COL8A1: variants seen among roughly 807,000 people sequenced by gnomAD.
COL8A1 encodes the protein collagen type VIII alpha 1 chain.
COL8A1 carries 21 observed loss-of-function variants against 42.7 expected under a neutral mutation model. The ratio of observed to expected loss-of-function variants is 0.49; its 90% confidence interval spans 0.35 to 0.71. The LOEUF is 0.71. Ranked by LOEUF, COL8A1 falls within the 30% of genes least tolerant of loss-of-function variation. COL8A1 has a pLI of 0.01. For synonymous variants in COL8A1, 367 were observed against 369.1 expected (o/e 0.99, Z 0.06); for missense variants, 788 against 962.4 (o/e 0.82, Z 2.40).
chr3:99,669,496 A>T (rs1303529718), intron 1 of COL8A1, among the ~76,000 whole-genome samples: 1 of 152,048 alleles, frequency 6.6e-6, no homozygotes, highest in Non-Finnish European at 1.5e-5. Context: ...GATAATTGAG[A>T]AGAATTATGT....
chr3:99,799,015 T>C lies in COL8A1; in HGVS notation c.*2879T>C, dbSNP rs778866773. On this transcript the variant is annotated 3_prime_UTR_variant, in exon 4 of 4. Transcript: ENST00000652472. ...TTGTTATGTAAATACAGAGTTTTAA[T>C]GCAGTATGACATCCCACAGGGGAAA... 3.0e-4 allele frequency: 45 copies of C among 152,354 alleles called. No individual in the cohort carries two copies. The highest frequency in any genetic ancestry group is 6.0e-4 in the Non-Finnish European group (41 of 68,036). 9.4% of individuals were successfully genotyped at this position (152,354 alleles called of 1,614,324 possible).
At chr3:99,685,856 T>C (rs1939033848) in intron 1 of COL8A1, among the ~76,000 whole-genome samples, 1 of 152,230 alleles carries the variant, frequency 6.6e-6, no homozygotes, top group Admixed American at 6.5e-5. Context: ...CAGACTACTT[T>C]ACCCATGTGA....
Position 99,795,881 on chromosome 3 carries a change from C to CT in COL8A1, c.1981dup (p.Tyr661LeufsTer103). 1 of 1,614,196 alleles carries CT rather than the reference C, an allele frequency of 6.2e-7. No individual in the cohort carries two copies. The highest frequency in any genetic ancestry group is 8.5e-7 in the Non-Finnish European group (1 of 1,180,022). On this transcript the variant is annotated frameshift_variant, in exon 4 of 4. Coordinates refer to ENST00000652472, the MANE Select transcript of COL8A1 (RefSeq NM_020351.4). LOFTEE classifies it high-confidence loss of function. ...TCTTCACCTGTGAGGTCCCTGGTGTCTACTACTTTGCATACCACGTTCACT... is the reference window on the plus strand; with the variant it reads ...TCTTCACCTGTGAGGTCCCTGGTGTCTTACTACTTTGCATACCACGTTCACT...
chr3:99,665,221 C>T (rs1938327645), intron 1 of COL8A1, among the ~76,000 whole-genome samples: 1 of 152,264 alleles, frequency 6.6e-6, no homozygotes, highest in South Asian at 2.1e-4. Context: ...TGCCTCTCTA[C>T]TCCCAGCCTC....
chr3:99,712,240 G>A (rs1939857283), intron 1 of COL8A1, among the ~76,000 whole-genome samples: 1 of 152,016 alleles, frequency 6.6e-6, no homozygotes, highest in African/African-American at 2.4e-5. Context: ...CTTTCTTTGA[G>A]GAAAAAGATT....
chr3:99,778,319 C>T (rs1941732428), intron 2 of COL8A1, among the ~76,000 whole-genome samples: 1 of 152,108 alleles, frequency 6.6e-6, no homozygotes, highest in African/African-American at 2.4e-5. Flanking sequence ...GTCACTTAGT[C>T]CAACAATCTT....
At chr3:99,674,633 C>T (rs1938639556) in intron 1 of COL8A1, among the ~76,000 whole-genome samples, 2 of 151,928 alleles carry the variant, frequency 1.3e-5, no homozygotes, top group South Asian at 4.1e-4. Context: ...GGAAAAAATG[C>T]TAGAAATTGT....
intron 1 of COL8A1, among the ~76,000 whole-genome samples, chr3:99,652,902 T>C (rs1559768456): frequency 6.6e-6 from 1 of 152,174 alleles, no homozygotes; most frequent in Non-Finnish European, 1.5e-5. Context: ...CCTTAAATTA[T>C]CTATGGGAAG....
intron 1 of COL8A1, among the ~76,000 whole-genome samples, chr3:99,712,006 G>T (rs1037335650): frequency 3.3e-5 from 5 of 152,092 alleles, no homozygotes; most frequent in Non-Finnish European, 5.9e-5. Flanking sequence ...GCCTTTCAGG[G>T]TTTTGTTGAC....
intron 1 of COL8A1, among the ~76,000 whole-genome samples, chr3:99,696,617 T>C (rs572165739): frequency 1.3e-5 from 2 of 152,186 alleles, no homozygotes; most frequent in South Asian, 2.1e-4. Context: ...TGTTTGCATA[T>C]GGCCAGCCAC....
intron 2 of COL8A1, among the ~76,000 whole-genome samples, chr3:99,768,985 A>T (rs1941524548): frequency 6.6e-6 from 1 of 152,220 alleles, no homozygotes. Context: ...GTTAACTCAA[A>T]TGAATCATAC....
intron 1 of COL8A1, among the ~76,000 whole-genome samples, chr3:99,665,673 CTTTTTT>C (rs67004417): frequency 7.1e-5 from 5 of 70,222 alleles, no homozygotes; most frequent in African/African-American, 2.3e-4. Flanking sequence ...TGAATTAATT[CTTTTTT>C]TTTTTTTTTT....
At chr3:99,675,388 T>G (rs533106469) in intron 1 of COL8A1, among the ~76,000 whole-genome samples, 1 of 152,220 alleles carries the variant, frequency 6.6e-6, no homozygotes, top group East Asian at 1.9e-4. Context: ...ATAAAGCACT[T>G]TATACAATAT....
chr3:99,677,070 G>C (rs1027283055), intron 1 of COL8A1, among the ~76,000 whole-genome samples: 1 of 151,276 alleles, frequency 6.6e-6, no homozygotes, highest in Non-Finnish European at 1.5e-5. Context: ...GAAAAAGAGA[G>C]AGAGAGAGAG....
chr3:99,751,270 TC>T (rs1270835661), intron 2 of COL8A1, among the ~76,000 whole-genome samples: 1 of 152,052 alleles, frequency 6.6e-6, no homozygotes, highest in African/African-American at 2.4e-5. Context: ...AAATTTATTT[TC>T]TCAGGGTTAA....
In COL8A1 at chr3:99,795,965, G is replaced by C; in HGVS notation, c.2064G>C (p.Thr688=). 7 of 1,614,092 alleles carry C rather than the reference G, an allele frequency of 4.3e-6. No homozygotes were observed. The highest frequency in any genetic ancestry group is 5.9e-6 in the Non-Finnish European group (7 of 1,179,986). The stretch of plus-strand genomic sequence containing the variant: ...AGAACAACGAGCCCGTGATGTACAC[G>C]TACGACGAGTACAAAAAGGGCTTCC... The part of the protein sequence containing the change: ...LFKNNEPVMY[T]YDEYKKGFLD... The change falls in exon 4 of 4, where the codon ACG becomes ACC. Residue 688 remains threonine (T), a synonymous_variant. Coordinates refer to ENST00000652472, the MANE Select transcript of COL8A1 (RefSeq NM_020351.4).
intron 1 of COL8A1, among the ~76,000 whole-genome samples, chr3:99,742,364 T>A (rs1354513274): frequency 6.6e-6 from 1 of 152,326 alleles, no homozygotes; most frequent in South Asian, 2.1e-4. Context: ...TCTTCAAAAA[T>A]TAACTGAAAT....
chr3:99,683,636 T>C (rs141056230), intron 1 of COL8A1, among the ~76,000 whole-genome samples: 43 of 152,150 alleles, frequency 2.8e-4, no homozygotes, highest in Non-Finnish European at 5.3e-4. Flanking sequence ...GTTGTCCTTC[T>C]GGGAAGCAGG....
intron 1 of COL8A1, among the ~76,000 whole-genome samples, chr3:99,727,217 C>G (rs367647685): frequency 6.6e-6 from 1 of 152,024 alleles, no homozygotes; most frequent in Admixed American, 6.6e-5. Context: ...CTCTGTTTGT[C>G]TGTTATTGGT....
Sources: gnomAD v4.1 joint callset for allele counts (sites outside exome capture counted in the v4.1 genomes callset) on GRCh38, gnomAD v4.1.1 for gene constraint, MANE v1.5 for transcripts, NCBI Gene and HGNC (gene_info 2026-07-23, HGNC 2026-07-21) for gene names.